Variants in ELSPBP1 observed in about 807,000 individuals in gnomAD.
ELSPBP1 encodes epididymal sperm-binding protein 1.
Under a neutral mutation model 33.3 loss-of-function variants are expected in ELSPBP1, and 38 were observed. The observed-to-expected ratio is 1.14, with a 90% CI of 0.88 to 1.50. The LOEUF is 1.50. ELSPBP1 is among the 40% of genes most tolerant of loss of function. The pLI, the probability that ELSPBP1 is intolerant of heterozygous loss-of-function variation, is 0.00. For synonymous variants in ELSPBP1, 85 were observed against 94.1 expected (o/e 0.90, Z 0.56); for missense variants, 267 against 263.5 (o/e 1.01, Z -0.09).
intron 2 of ELSPBP1, among the ~76,000 whole-genome samples, chr19:48,012,984 A>AC (rs1285397691): frequency 6.6e-6 from 1 of 151,620 alleles, no homozygotes; most frequent in African/African-American, 2.4e-5. Context: ...CCTGCTCCCC[A>AC]CCCCCCTCTC....
intron 2 of ELSPBP1, among the ~76,000 whole-genome samples, chr19:48,009,788 A>AT (rs35439716): frequency 6.6e-6 from 1 of 150,498 alleles, no homozygotes; most frequent in Non-Finnish European, 1.5e-5. Context: ...ACACAATAAC[A>AT]TTTTTTTTTT....
chr19:48,008,622 G>T (rs1419114291), intron 1 of ELSPBP1, 29 bp from the exon 2 acceptor site: 2 of 1,541,598 alleles, frequency 1.3e-6, no homozygotes, highest in Admixed American at 1.7e-5. Context: ...GGACGTGTGG[G>T]ATGAAAATTT....
chr19:47,999,288 C>T (rs1265996174), intron 1 of ELSPBP1, among the ~76,000 whole-genome samples: 2 of 151,938 alleles, frequency 1.3e-5, no homozygotes, highest in Non-Finnish European at 2.9e-5. Flanking sequence ...TTTTAAAGTG[C>T]ACAATTTAGT....
intron 1 of ELSPBP1, among the ~76,000 whole-genome samples, chr19:48,004,827 A>G (rs185729298): frequency 2.6e-5 from 4 of 152,314 alleles, no homozygotes; most frequent in African/African-American, 9.6e-5. Flanking sequence ...CTGCATACTC[A>G]TCGTGTAGCC....
intron 1 of ELSPBP1, among the ~76,000 whole-genome samples, chr19:48,004,308 A>G (rs955158774): frequency 6.6e-6 from 1 of 151,248 alleles, no homozygotes; most frequent in African/African-American, 2.4e-5. Context: ...CTCACCATGC[A>G]TCTCTGTGGC....
chr19:48,023,487 G>T (rs537310741), intron 6 of ELSPBP1, among the ~76,000 whole-genome samples: 22 of 57,390 alleles, frequency 3.8e-4, no homozygotes, highest in East Asian at 1.9e-3. Context: ...AGGAGGGAAG[G>T]GAGGGAGGGA....
At chr19:47,995,217 G>A (rs940011346) in intron 1 of ELSPBP1, among the ~76,000 whole-genome samples, 2 of 152,144 alleles carry the variant, frequency 1.3e-5, no homozygotes, top group African/African-American at 2.4e-5. Flanking sequence ...GAAGGGGACA[G>A]CCAGAGAAAG....
chr19:48,007,384 G>A (rs1009927463), intron 1 of ELSPBP1, among the ~76,000 whole-genome samples: 1 of 152,172 alleles, frequency 6.6e-6, no homozygotes, highest in Non-Finnish European at 1.5e-5. Context: ...CCTTTTCTGT[G>A]AAGTGGAGAT....
chr19:48,021,367 G>C (rs949789313), intron 5 of ELSPBP1, among the ~76,000 whole-genome samples: 2 of 150,846 alleles, frequency 1.3e-5, no homozygotes, highest in African/African-American at 4.9e-5. Context: ...TGCCCAGGCA[G>C]TGTCTTCATG....
chr19:48,019,637 C>G (rs2115100), intron 4 of ELSPBP1, 82 bp from the exon 5 acceptor site: 694,694 of 1,376,358 alleles, frequency 0.5, 180,263 homozygotes, highest in East Asian at 0.78. Flanking sequence ...TGGGATAAAG[C>G]GTGGCACAGT....
chr19:47,998,264 T>C (rs1039177116), intron 1 of ELSPBP1, among the ~76,000 whole-genome samples: 3 of 151,100 alleles, frequency 2.0e-5, no homozygotes. Flanking sequence ...ATACAAAAAT[T>C]AGCCGGGTGC....
chr19:48,000,582 G>A (rs1308208887), intron 1 of ELSPBP1, among the ~76,000 whole-genome samples: 2 of 152,160 alleles, frequency 1.3e-5, no homozygotes, highest in Non-Finnish European at 2.9e-5. Context: ...AAAGAAAGCT[G>A]AGAGTCAAAT....
chr19:47,998,175 G>A lies in ELSPBP1; in HGVS notation c.-18+3364G>A, dbSNP rs140343132. The stretch of plus-strand genomic sequence containing the variant: ...AATCCTGTAATCCCAGCACTTAGGG[G>A]GGCTGAGGTGTGTGGATCATGAGGT... On this transcript the variant is annotated intron_variant, in intron 1 of 6. Transcript: ENST00000339841. Among the ~76,000 whole-genome samples the A allele has an allele frequency of 3.9e-3, 590 of 151,882 alleles. 1 individual carries two copies. Among genetic ancestry groups the A allele is most frequent in the African/African-American group, 0.014 (563 of 41,434 alleles).
intron 4 of ELSPBP1, among the ~76,000 whole-genome samples, chr19:48,016,557 TTCCTTCCTTCC>T (rs766623106): frequency 0.018 from 1,927 of 106,554 alleles, 39 homozygotes; most frequent in Non-Finnish European, 0.027. Context: ...CCTTCCTTCC[TTCCTTCCTTCC>T]TCCCTTCATC....
chr19:48,016,061 G>A (rs1260814302), intron 4 of ELSPBP1, 22 bp downstream of exon 4: 2 of 1,610,654 alleles, frequency 1.2e-6, no homozygotes, highest in African/African-American at 2.7e-5. Context: ...TAGCAGGGAT[G>A]GGATGTGTGG....
chr19:48,015,926 G>T lies in ELSPBP1; in HGVS notation c.242G>T (p.Arg81Leu). The T allele has an allele frequency of 1.2e-6, 2 of 1,613,162 alleles. No homozygotes were observed. The highest frequency in any genetic ancestry group is 2.2e-5 in the South Asian group (2 of 91,032). The change falls in exon 4 of 7, where the codon CGA becomes CTA. Residue 81 changes from arginine to leucine, a missense_variant. Transcript: ENST00000339841. ...YPRCIFPFIY[R>L]GKAYNSCISQ... is the part of the protein sequence containing the mutation. The stretch of plus-strand genomic sequence containing the variant: ...CGCTGTATCTTCCCTTTCATCTATC[G>T]AGGAAAGGCTTATAACAGCTGCATC...
chr19:48,004,772 C>G (rs1967000584), intron 1 of ELSPBP1, among the ~76,000 whole-genome samples: 1 of 152,260 alleles, frequency 6.6e-6, no homozygotes, highest in East Asian at 1.9e-4. Flanking sequence ...CCTTGGTTGA[C>G]TCTCAGCCCC....
chr19:48,012,150 G>T (rs1351776191), intron 2 of ELSPBP1, among the ~76,000 whole-genome samples: 1 of 152,106 alleles, frequency 6.6e-6, no homozygotes. Flanking sequence ...TTTTCAGACA[G>T]GGTCTCACTC....
intron 1 of ELSPBP1, among the ~76,000 whole-genome samples, 166 bp downstream of exon 1, chr19:47,994,977 T>C (rs1966900233): frequency 6.6e-6 from 1 of 152,128 alleles, no homozygotes; most frequent in South Asian, 2.1e-4. Context: ...CTAAGAAGAG[T>C]GCAATTTATT....
Sources: gnomAD v4.1 joint callset for allele counts (sites outside exome capture counted in the v4.1 genomes callset) on GRCh38, gnomAD v4.1.1 for gene constraint, MANE v1.5 for transcripts, NCBI Gene and HGNC (gene_info 2026-07-23, HGNC 2026-07-21) for gene names.